Variants in SATB1 observed in about 807,000 individuals in gnomAD.
SATB1 encodes the protein DNA-binding protein SATB1.
In SATB1, 11 loss-of-function variants were observed where a neutral mutation model predicts 86.9. The observed-to-expected ratio is 0.13, with a 90% CI of 0.08 to 0.21. The LOEUF (loss-of-function observed/expected upper bound fraction) is 0.21. SATB1 is among the 10% of genes least tolerant of loss of function. The pLI is 1.00. For synonymous variants in SATB1, 357 were observed against 357.2 expected (o/e 1.00, Z 0.01); for missense variants, 551 against 937.6 (o/e 0.59, Z 5.39).
chr3:18,346,371 TAA>T lies in SATB1; in HGVS notation c.*2797_*2798del, dbSNP rs949930331. On this transcript the variant is annotated 3_prime_UTR_variant, in exon 11 of 11. Coordinates refer to ENST00000338745, the MANE Select transcript of SATB1 (RefSeq NM_002971.6). ...AAAACGCTATGTCATGCCCAGCTTT[TAA>T]AAGTCTCTGAAATACTTGGACACAA... 6.6e-6 allele frequency: 1 copy of T among 152,128 alleles called. No individual in the cohort carries two copies. Among genetic ancestry groups the T allele is most frequent in the African/African-American group, 2.4e-5 (1 of 41,444 alleles). The allele number at this position is 152,128 out of a possible 1,614,324, so 9.4% of individuals were successfully genotyped here.
chr3:18,411,857 A>G (rs375547237), intron 5 of SATB1, among the ~76,000 whole-genome samples: 1 of 152,160 alleles, frequency 6.6e-6, no homozygotes, highest in Non-Finnish European at 1.5e-5. Context: ...TAGGAAAGTG[A>G]TAACAGAAAT....
intron 5 of SATB1, among the ~76,000 whole-genome samples, chr3:18,411,551 T>C (rs1697843285): frequency 6.7e-6 from 1 of 150,304 alleles, no homozygotes. Flanking sequence ...TAAAAATGTT[T>C]ACTTTTTAAA....
chr3:18,445,116 C>A, intron 1 of SATB1: 1 of 687,422 alleles, frequency 1.5e-6, no homozygotes, highest in Non-Finnish European at 1.8e-6. Context: ...GGGGGCTCGG[C>A]GGACCCCGCG....
intron 1 of SATB1, chr3:18,445,202 C>A (rs1699358677): frequency 3.1e-6 from 3 of 981,390 alleles, no homozygotes; most frequent in Non-Finnish European, 3.6e-6. Flanking sequence ...TCCCCAGCGC[C>A]CGCCCGGCTT....
intron 7 of SATB1, among the ~76,000 whole-genome samples, chr3:18,390,499 T>G (rs1406609961): frequency 6.6e-6 from 1 of 152,182 alleles, no homozygotes; most frequent in Non-Finnish European, 1.5e-5. Context: ...GCTGTCTTGT[T>G]GGGGTAATAG....
chr3:18,378,485 C>CTTT (rs2125188977), intron 8 of SATB1, among the ~76,000 whole-genome samples, 160 bp from the exon 9 acceptor site: 1 of 152,252 alleles, frequency 6.6e-6, no homozygotes, highest in East Asian at 1.9e-4. Flanking sequence ...GATCAGATTG[C>CTTT]TTAAGTTAAG....
intron 9 of SATB1, among the ~76,000 whole-genome samples, chr3:18,369,172 A>G (rs963099875): frequency 7.8e-6 from 1 of 127,934 alleles, no homozygotes; most frequent in Non-Finnish European, 1.8e-5. Context: ...TAAAAAAAAA[A>G]AAAAGAAAGA....
In SATB1 at chr3:18,394,612, A is replaced by G. The variant is rs1696864281; in HGVS notation, c.1056T>C (p.Pro352=). The change falls in exon 7 of 11, where the codon CCT becomes CCC. Residue 352 remains proline (P), a synonymous_variant. Transcript: ENST00000338745. The surrounding 1 kb of genome is among the most constrained non-coding windows in gnomAD (Gnocchi z 5.9). The part of the protein sequence containing the change: ...LNQQYLNHPP[P]VSRSMNKPLE... ...AAGGCTTATTCATAGATCTACTGAC[A>G]GGGGGAGGGTGGTTCAAGTATTGTT... 4.3e-6 allele frequency: 7 copies of G among 1,614,066 alleles called. No individual in the cohort carries two copies. Among genetic ancestry groups the G allele is most frequent in the Middle Eastern group, 1.6e-4 (1 of 6,084 alleles).
At chr3:18,389,733 C>T (rs908909453) in intron 7 of SATB1, among the ~76,000 whole-genome samples, 2 of 152,012 alleles carry the variant, frequency 1.3e-5, no homozygotes, top group Non-Finnish European at 2.9e-5. Flanking sequence ...GAATCATTGG[C>T]GCTCAATAAA....
intron 6 of SATB1, among the ~76,000 whole-genome samples, chr3:18,395,536 C>G (rs188776414): frequency 3.9e-5 from 6 of 152,172 alleles, no homozygotes; most frequent in African/African-American, 1.4e-4. Context: ...ATCTTATATG[C>G]CTTGCTTCAT....
Position 18,444,666 on chromosome 3 carries a change from G to A in SATB1, c.-25+852C>T. The stretch of plus-strand genomic sequence containing the variant: ...GAGTGCGGGCCTGAAACCAAGAACG[G>A]CTCCCCGGGCGGGCGCGCCGGCGTC... On this transcript the variant is annotated intron_variant, in intron 1 of 3. Transcript: ENST00000415069. The surrounding 1 kb of genome is among the most constrained non-coding windows in gnomAD (Gnocchi z 5.1). The A allele has an allele frequency of 2.0e-6, 2 of 984,008 alleles. No individual in the cohort carries two copies. Among genetic ancestry groups the A allele is most frequent in the Non-Finnish European group, 2.4e-6 (2 of 829,476 alleles). The allele number at this position is 984,008 out of a possible 1,614,324, so 61.0% of individuals were successfully genotyped here. A position where few individuals can be genotyped will look rare whatever the true frequency, so the allele number is the denominator to read the frequency against.
chr3:18,391,441 A>ATATG (rs2125109104), intron 7 of SATB1, among the ~76,000 whole-genome samples: 1 of 151,716 alleles, frequency 6.6e-6, no homozygotes, highest in Admixed American at 6.5e-5. Context: ...GGTTAGTTAC[A>ATATG]TATGTATACA....
At chr3:18,438,116 T>C (rs1029989424) in intron 1 of SATB1, among the ~76,000 whole-genome samples, 3 of 152,192 alleles carry the variant, frequency 2.0e-5, no homozygotes, top group Non-Finnish European at 4.4e-5. Flanking sequence ...ATAAAATATT[T>C]ATAACATAAA....
chr3:18,443,219 G>A (rs930271502), upstream of SATB1, among the ~76,000 whole-genome samples: 12 of 152,150 alleles, frequency 7.9e-5, no homozygotes, highest in Non-Finnish European at 1.6e-4. The surrounding 1 kb of genome is among the most constrained non-coding windows in gnomAD (Gnocchi z 4.4). Flanking sequence ...CTGACACCGA[G>A]CGGTAACATT....
chr3:18,379,618 C>T (rs1410819331), intron 8 of SATB1, among the ~76,000 whole-genome samples: 1 of 152,130 alleles, frequency 6.6e-6, no homozygotes, highest in Non-Finnish European at 1.5e-5. Context: ...CTAAAATATT[C>T]AGTGATTCAA....
At chr3:18,417,420 T>C (rs1373883311) in intron 2 of SATB1, 2 of 561,574 alleles carry the variant, frequency 3.6e-6, no homozygotes, top group Non-Finnish European at 6.2e-6. Context: ...CTTCTCTAAT[T>C]TGCTATGAGT....
intron 8 of SATB1, among the ~76,000 whole-genome samples, chr3:18,380,507 A>C (rs116341779): frequency 0.012 from 1,755 of 152,210 alleles, 13 homozygotes; most frequent in Non-Finnish European, 0.019. Context: ...ATCATTTCCT[A>C]GTAGCCAACA....
At chr3:18,437,137 C>T (rs1168214406) in intron 1 of SATB1, among the ~76,000 whole-genome samples, 1 of 152,062 alleles carries the variant, frequency 6.6e-6, no homozygotes, top group Non-Finnish European at 1.5e-5. Flanking sequence ...GAAAAAGTGA[C>T]TAAAATTATT....
intron 2 of SATB1, among the ~76,000 whole-genome samples, chr3:18,436,506 C>CAAAAAAAAAAA (rs71055011): frequency 8.8e-6 from 1 of 113,852 alleles, no homozygotes; most frequent in Non-Finnish European, 1.9e-5. Flanking sequence ...CAGGTGCTAC[C>CAAAAAAAAAAA]AAAAAAAAAA....
Sources: gnomAD v4.1 joint callset for allele counts (sites outside exome capture counted in the v4.1 genomes callset) on GRCh38, gnomAD v4.1.1 for gene constraint, Gnocchi (gnomAD v3.1) non-coding constraint, MANE v1.5 for transcripts, NCBI Gene and HGNC (gene_info 2026-07-23, HGNC 2026-07-21) for gene names.